The following EIF4G3 variants were observed in gnomAD, a reference collection of about 807,000 sequenced individuals.
The protein encoded by EIF4G3 is eIF-4-gamma 3.
Under a neutral mutation model 186.4 loss-of-function variants are expected in EIF4G3, and 34 were observed. The observed-to-expected ratio is 0.18, with a 90% CI of 0.14 to 0.24. The LOEUF is 0.24. Ranked by LOEUF, EIF4G3 falls within the 10% of genes least tolerant of loss-of-function variation. EIF4G3 has a pLI of 1.00. For missense variants in EIF4G3, 1,536 were observed against 1,948.5 expected, an observed-to-expected ratio of 0.79 and a Z score of 3.99; for synonymous variants, 673 against 679.5, an observed-to-expected ratio of 0.99 and a Z score of 0.15.
intron 35 of EIF4G3, among the ~76,000 whole-genome samples, chr1:20,811,094 C>T (rs531720223): frequency 1.2e-4 from 19 of 152,196 alleles, no homozygotes; most frequent in Admixed American, 7.2e-4. Context: ...GGACTACAGG[C>T]GCCTGCTCCC....
chr1:21,046,981 G>A (rs1433902587), intron 4 of EIF4G3, among the ~76,000 whole-genome samples: 1 of 152,142 alleles, frequency 6.6e-6, no homozygotes, highest in Non-Finnish European at 1.5e-5. Context: ...ATCCTGTTCT[G>A]AGGCAGGAAT....
intron 2 of EIF4G3, among the ~76,000 whole-genome samples, chr1:21,131,896 T>C (rs2097160335): frequency 1.3e-5 from 2 of 151,774 alleles, no homozygotes; most frequent in Admixed American, 6.6e-5. Context: ...CACCTGAGCC[T>C]AGGAGGTCAA....
chr1:20,847,839 A>C (rs1452493408), intron 29 of EIF4G3: 2 of 471,536 alleles, frequency 4.2e-6, no homozygotes, highest in Admixed American at 4.7e-5. Context: ...ACTTCCTTCT[A>C]CTTCTTCTGA....
chr1:21,027,752 A>C (rs2092320703), intron 4 of EIF4G3, among the ~76,000 whole-genome samples: 1 of 152,232 alleles, frequency 6.6e-6, no homozygotes, highest in African/African-American at 2.4e-5. Context: ...AAAAAATAGG[A>C]ATAACCATAC....
At position 21,176,174 on chromosome 1, in the gene EIF4G3, C is replaced by A; in HGVS notation, c.-272+1G>T. The A allele has an allele frequency of 2.4e-6, 1 of 414,168 alleles. No individual in the cohort carries two copies. The highest frequency in any genetic ancestry group is 4.2e-6 in the Non-Finnish European group (1 of 237,098). The allele number at this position is 414,168 out of a possible 1,614,324, so 25.7% of individuals were successfully genotyped here. On this transcript the variant is annotated splice_donor_variant, in intron 2 of 36. Coordinates refer to ENST00000602326, the MANE Select transcript of EIF4G3 (RefSeq NM_001391906.1). LOFTEE classifies it low-confidence loss of function (5UTR_SPLICE). ...GGCCGACAGGAAGGTGAAAAGGATA[C>A]TGTTGGGGCGCCTGAGTCTGGAGGG...
chr1:20,857,648 T>C (rs1384851574), intron 24 of EIF4G3, 151 bp from the exon 25 acceptor site: 2 of 716,196 alleles, frequency 2.8e-6, no homozygotes, highest in Non-Finnish European at 4.8e-6. Context: ...GGCAGGAAAA[T>C]ATAAGCAGAA....
intron 7 of EIF4G3, among the ~76,000 whole-genome samples, chr1:20,984,789 C>T (rs368842530): frequency 2.6e-5 from 4 of 151,860 alleles, no homozygotes; most frequent in African/African-American, 7.3e-5. Context: ...AGGGTTTCAC[C>T]GTGTTAGCCA....
chr1:20,926,256 G>C (rs1174410414), intron 14 of EIF4G3, among the ~76,000 whole-genome samples: 2 of 152,256 alleles, frequency 1.3e-5, no homozygotes, highest in East Asian at 3.9e-4. Flanking sequence ...ATAACCTTCA[G>C]CAAGTATCAT....
chr1:20,963,105 G>A (rs1309611753), intron 12 of EIF4G3, among the ~76,000 whole-genome samples: 2 of 151,722 alleles, frequency 1.3e-5, no homozygotes, highest in African/African-American at 2.4e-5. Flanking sequence ...TGGTCTCTCT[G>A]TATGGTCTGT....
intron 4 of EIF4G3, among the ~76,000 whole-genome samples, chr1:21,035,561 A>G (rs138225341): frequency 6.6e-6 from 1 of 152,364 alleles, no homozygotes; most frequent in Non-Finnish European, 1.5e-5. Context: ...GTTGCAGCCC[A>G]GCCAGGTATG....
intron 14 of EIF4G3, among the ~76,000 whole-genome samples, chr1:20,916,412 ACT>A (rs2093874234): frequency 6.6e-6 from 1 of 151,798 alleles, no homozygotes; most frequent in Non-Finnish European, 1.5e-5. Flanking sequence ...GTGCCATTGC[ACT>A]CCAGCCTGAG....
intron 13 of EIF4G3, among the ~76,000 whole-genome samples, chr1:20,943,197 T>C (rs2095790219): frequency 6.6e-6 from 1 of 152,066 alleles, no homozygotes; most frequent in Non-Finnish European, 1.5e-5. Flanking sequence ...ATATCTTGTG[T>C]CTTTACATGT....
At chr1:20,890,923 A>T (rs1443140068) in intron 18 of EIF4G3, among the ~76,000 whole-genome samples, 1 of 152,238 alleles carries the variant, frequency 6.6e-6, no homozygotes, top group Non-Finnish European at 1.5e-5. Context: ...CATTACCCTG[A>T]GACATCAAAA....
At chr1:20,909,536 AC>A (rs1019206331) in intron 14 of EIF4G3, among the ~76,000 whole-genome samples, 3 of 152,204 alleles carry the variant, frequency 2.0e-5, no homozygotes, top group African/African-American at 2.4e-5. Flanking sequence ...GTTAAAAAAA[AC>A]ACCTATGTGT....
At chr1:20,927,411 T>C (rs1459914372) in intron 14 of EIF4G3, among the ~76,000 whole-genome samples, 1 of 152,230 alleles carries the variant, frequency 6.6e-6, no homozygotes, top group Non-Finnish European at 1.5e-5. Flanking sequence ...CGACTATTTC[T>C]ACAGGTCTTA....
intron 30 of EIF4G3, among the ~76,000 whole-genome samples, chr1:20,830,859 T>A (rs1248257164): frequency 6.7e-6 from 1 of 150,108 alleles, no homozygotes; most frequent in Non-Finnish European, 1.5e-5. Flanking sequence ...AGAAGCTTAT[T>A]TTTTTTTCAG....
At chr1:21,091,200 A>G (rs886726329) in intron 2 of EIF4G3, among the ~76,000 whole-genome samples, 9 of 152,104 alleles carry the variant, frequency 5.9e-5, no homozygotes, top group Non-Finnish European at 1.0e-4. Context: ...GCTGGAGTTC[A>G]GTGGCATAAT....
At chr1:20,827,792 G>A (rs1381515097) in intron 31 of EIF4G3, 94 bp from the exon 32 acceptor site, 1 of 751,462 alleles carries the variant, frequency 1.3e-6, no homozygotes, top group Non-Finnish European at 2.3e-6. Flanking sequence ...ACCAGATACT[G>A]TGCAACCTAC....
chr1:21,003,740 T>G (rs548348319), intron 4 of EIF4G3: 8 of 448,634 alleles, frequency 1.8e-5, no homozygotes, highest in African/African-American at 1.0e-4. Flanking sequence ...TTAACCTGCC[T>G]GTGAGGTTCA....
Sources: gnomAD v4.1 joint callset for allele counts (sites outside exome capture counted in the v4.1 genomes callset) on GRCh38, gnomAD v4.1.1 for gene constraint, MANE v1.5 for transcripts, NCBI Gene and HGNC (gene_info 2026-07-23, HGNC 2026-07-21) for gene names.